Variants in PAQR5 observed in about 807,000 individuals in gnomAD.
PAQR5 encodes the protein membrane progestin receptor gamma.
In PAQR5, 20 loss-of-function variants were observed where a neutral mutation model predicts 34.5. That is an observed-to-expected ratio of 0.58 (90% confidence interval 0.41 to 0.84). PAQR5 has a LOEUF of 0.84. Ranked by LOEUF, PAQR5 falls within the 40% of genes least tolerant of loss-of-function variation. The pLI, the probability that PAQR5 is intolerant of heterozygous loss-of-function variation, is 0.00. For synonymous variants in PAQR5, 131 were observed against 155.6 expected, an observed-to-expected ratio of 0.84 and a Z score of 1.18; for missense variants, 378 against 412.7, an observed-to-expected ratio of 0.92 and a Z score of 0.73.
At chr15:69,324,967 C>G (rs765975791) in intron 1 of PAQR5, among the ~76,000 whole-genome samples, 1 of 151,070 alleles carries the variant, frequency 6.6e-6, no homozygotes, top group Non-Finnish European at 1.5e-5. Flanking sequence ...GGGGCAATCT[C>G]AGCACATTAC....
chr15:69,399,910 G>A (rs1240293589), intron 7 of PAQR5, 64 bp from the exon 8 acceptor site: 1 of 1,536,750 alleles, frequency 6.5e-7, no homozygotes, highest in Non-Finnish European at 8.8e-7. Flanking sequence ...CAGGTGCTGA[G>A]AAGGAAGAGG....
intron 1 of PAQR5, among the ~76,000 whole-genome samples, chr15:69,323,089 T>G (rs947469580): frequency 8.5e-5 from 13 of 152,138 alleles, no homozygotes; most frequent in Non-Finnish European, 1.6e-4. Flanking sequence ...TATTTTCTTG[T>G]TTGAACATAA....
chr15:69,299,895 A>C (rs1431839655), intron 1 of PAQR5, among the ~76,000 whole-genome samples: 1 of 141,046 alleles, frequency 7.1e-6, no homozygotes, highest in Non-Finnish European at 1.6e-5. Flanking sequence ...GAGAAGAGCT[A>C]GCAGCCAAAA....
chr15:69,303,659 C>T (rs2140513305), intron 1 of PAQR5, among the ~76,000 whole-genome samples: 1 of 152,168 alleles, frequency 6.6e-6, no homozygotes, highest in East Asian at 1.9e-4. Flanking sequence ...AAGCCAGGCT[C>T]CAGGCAGCCG....
At chr15:69,386,315 A>G (rs2056108888) in intron 5 of PAQR5, among the ~76,000 whole-genome samples, 1 of 151,566 alleles carries the variant, frequency 6.6e-6, no homozygotes. Flanking sequence ...ACACACTCTC[A>G]CACACATACA....
At chr15:69,396,004 C>T (rs373317207) in intron 6 of PAQR5, among the ~76,000 whole-genome samples, 26 of 151,908 alleles carry the variant, frequency 1.7e-4, no homozygotes, top group African/African-American at 6.0e-4. Context: ...TGCTCGGTTG[C>T]CCTGAGGACT....
chr15:69,367,337 C>T (rs2055429662), intron 3 of PAQR5, among the ~76,000 whole-genome samples: 1 of 151,920 alleles, frequency 6.6e-6, no homozygotes, highest in Non-Finnish European at 1.5e-5. Context: ...TAGAAATATG[C>T]TCTGCGTGGA....
Position 69,320,277 on chromosome 15 carries a change from C to G in PAQR5, c.-276-17064C>G, listed in dbSNP as rs142694794. ...TACAGGGCTCAGCAGCAGACTGGCTCCAGGTGGGCTCTGCTCCTCTTACCT... is the reference window on the plus strand; with the variant it reads ...TACAGGGCTCAGCAGCAGACTGGCTGCAGGTGGGCTCTGCTCCTCTTACCT... On this transcript the variant is annotated intron_variant, in intron 1 of 8. Coordinates refer to ENST00000395407, the MANE Select transcript of PAQR5 (RefSeq NM_017705.4). 1.4e-3 allele frequency among the ~76,000 whole-genome samples: 213 copies of G among 152,374 alleles called. 1 individual carries two copies. The highest frequency in any genetic ancestry group is 6.8e-3 in the Middle Eastern group (2 of 294).
intron 3 of PAQR5, among the ~76,000 whole-genome samples, chr15:69,361,020 T>G (rs1397865584): frequency 6.6e-6 from 1 of 152,144 alleles, no homozygotes; most frequent in Non-Finnish European, 1.5e-5. Flanking sequence ...GAAGATGGCA[T>G]GGGGGAAAAC....
intron 2 of PAQR5, among the ~76,000 whole-genome samples, chr15:69,351,493 C>T (rs2054916380): frequency 1.3e-5 from 2 of 152,242 alleles, no homozygotes; most frequent in South Asian, 4.1e-4. Flanking sequence ...TTCTCCAACC[C>T]TGTCTATAAA....
Position 69,384,670 on chromosome 15 carries a change from G to T in PAQR5, c.180-7G>T. On this transcript the variant is annotated splice_region_variant and splice_polypyrimidine_tract_variant and intron_variant, in intron 4 of 8. Transcript: ENST00000395407. ...GGTGGAGGGTGAGTGAGCCCTCTGT[G>T]TTCCAGGTTCTTTGCATGGAGGTTT... is the stretch of plus-strand genomic sequence containing the variant. 6.2e-7 allele frequency: 1 copy of T among 1,610,154 alleles called. No homozygotes were observed. The highest frequency in any genetic ancestry group is 8.5e-7 in the Non-Finnish European group (1 of 1,176,406).
At chr15:69,339,753 A>T (rs569774386) in intron 2 of PAQR5, among the ~76,000 whole-genome samples, 2 of 152,222 alleles carry the variant, frequency 1.3e-5, no homozygotes, top group East Asian at 3.9e-4. Context: ...GATTACAGGC[A>T]TGAGCCATTG....
intron 3 of PAQR5, chr15:69,379,472 G>A (rs1595914692): frequency 2.0e-6 from 2 of 985,226 alleles, no homozygotes; most frequent in East Asian, 2.3e-4. Context: ...CTTCCCACCA[G>A]CCCCTGACAT....
chr15:69,332,825 T>C (rs555396196), intron 1 of PAQR5, among the ~76,000 whole-genome samples: 1 of 149,426 alleles, frequency 6.7e-6, no homozygotes, highest in South Asian at 2.1e-4. Context: ...TACCTTCTCC[T>C]TGAGACATGA....
intron 8 of PAQR5, among the ~76,000 whole-genome samples, 185 bp downstream of exon 8, chr15:69,400,300 G>C (rs2056585009): frequency 6.6e-6 from 1 of 152,250 alleles, no homozygotes; most frequent in Admixed American, 6.5e-5. Context: ...GGTAGCATGG[G>C]CAGGATGGAG....
chr15:69,304,939 A>C, intron 1 of PAQR5, among the ~76,000 whole-genome samples: 1 of 152,238 alleles, frequency 6.6e-6, no homozygotes, highest in East Asian at 1.9e-4. Flanking sequence ...GCTGAAGACT[A>C]GTGTGGCTGG....
intron 1 of PAQR5, among the ~76,000 whole-genome samples, chr15:69,303,643 A>T (rs1177376207): frequency 6.6e-6 from 1 of 151,734 alleles, no homozygotes; most frequent in African/African-American, 2.4e-5. Context: ...GAACTAAGGA[A>T]GTCCAAAGCC....
intron 3 of PAQR5, among the ~76,000 whole-genome samples, chr15:69,367,991 G>C (rs2140877362): frequency 6.6e-6 from 1 of 152,172 alleles, no homozygotes; most frequent in East Asian, 1.9e-4. Context: ...ATGATGAGTG[G>C]CTCAGTTCGG....
At chr15:69,329,435 A>G (rs1330689986) in intron 1 of PAQR5, among the ~76,000 whole-genome samples, 1 of 139,370 alleles carries the variant, frequency 7.2e-6, no homozygotes, top group Non-Finnish European at 1.6e-5. Flanking sequence ...TTATATATGT[A>G]TATTTTACCT....
Sources: gnomAD v4.1 joint callset for allele counts (sites outside exome capture counted in the v4.1 genomes callset) on GRCh38, gnomAD v4.1.1 for gene constraint, MANE v1.5 for transcripts, NCBI Gene and HGNC (gene_info 2026-07-23, HGNC 2026-07-21) for gene names.